LGR4: variants seen among roughly 807,000 people sequenced by gnomAD.
The protein encoded by LGR4 is leucine rich repeat containing G protein-coupled receptor 4.
Under a neutral mutation model 84.8 loss-of-function variants are expected in LGR4, and 44 were observed. The ratio of observed to expected loss-of-function variants is 0.52; its 90% confidence interval spans 0.41 to 0.67. LGR4 has a LOEUF of 0.67. Among genes scored for constraint, LGR4 ranks in the 30% least tolerant of loss-of-function variants. LGR4 has a pLI of 0.00. For missense variants in LGR4, 1,032 were observed against 1,131.4 expected (o/e 0.91, Z 1.26); for synonymous variants, 429 against 434.3 (o/e 0.99, Z 0.15).
rs566494166 is a variant in LGR4, at chr11:27,456,930, A to AT, written c.185+15187dup. ...ATGTATGTGTGCTTTTTGGGTACAC[A>AT]TTTTTTTCTGTTCTGATTTTTTTTT... On this transcript the variant is annotated intron_variant, in intron 1 of 17. Transcript: ENST00000379214. 1.0e-3 allele frequency among the ~76,000 whole-genome samples: 156 copies of AT among 152,020 alleles called. 1 individual carries two copies. The highest frequency in any genetic ancestry group is 3.5e-3 in the African/African-American group (143 of 41,436).
In LGR4 at chr11:27,369,029, G is replaced by C; in HGVS notation, c.1694C>G (p.Ala565Gly). 1 of 1,613,846 alleles carries C rather than the reference G, an allele frequency of 6.2e-7. No individual in the cohort carries two copies. The highest frequency in any genetic ancestry group is 8.5e-7 in the Non-Finnish European group (1 of 1,179,798). ...GGACGAAGGCAGTGATGTACAAGAT[G>C]CAAATGTTGTTAAAATAACAAGCAG... ...FNLLVILTTF[A>G]SCTSLPSSKL... Residue 565 changes from alanine (A) to glycine (G), a missense_variant, in exon 18 of 18, where the codon GCA becomes GGA. Physicochemically the swap from Ala to Gly is moderately conservative, Grantham distance 60. Transcript: ENST00000379214.
intron 2 of LGR4, among the ~76,000 whole-genome samples, chr11:27,394,414 A>T (rs1038974669): frequency 6.6e-6 from 1 of 151,920 alleles, no homozygotes; most frequent in Non-Finnish European, 1.5e-5. Context: ...TTATTTATTT[A>T]TTTTTTGAGA....
intron 1 of LGR4, among the ~76,000 whole-genome samples, chr11:27,429,033 C>T (rs556574287): frequency 1.3e-5 from 2 of 152,092 alleles, no homozygotes; most frequent in East Asian, 3.9e-4. Context: ...AACTTCAAGC[C>T]TAGAATTGAG....
intron 2 of LGR4, among the ~76,000 whole-genome samples, chr11:27,409,827 C>A (rs1050116701): frequency 2.0e-5 from 3 of 152,148 alleles, no homozygotes; most frequent in Admixed American, 1.3e-4. Flanking sequence ...TGTCCTTCAA[C>A]ACTCAGCAGA....
At chr11:27,397,444 C>A (rs79124176) in intron 2 of LGR4, among the ~76,000 whole-genome samples, 13,537 of 152,132 alleles carry the variant, frequency 0.089, 760 homozygotes, top group African/African-American at 0.14. Flanking sequence ...CCTTGTATGA[C>A]CCCTTACAAA....
At chr11:27,446,457 G>C (rs1206949804) in intron 1 of LGR4, among the ~76,000 whole-genome samples, 1 of 152,168 alleles carries the variant, frequency 6.6e-6, no homozygotes, top group East Asian at 1.9e-4. Flanking sequence ...CTGGCCATCA[G>C]AGAAATGCAA....
At chr11:27,392,007 C>A (rs113584972) in intron 3 of LGR4, among the ~76,000 whole-genome samples, 143 of 152,296 alleles carry the variant, frequency 9.4e-4, no homozygotes, top group African/African-American at 3.3e-3. Flanking sequence ...CCTCACCATT[C>A]GCTGGCTATA....
rs549633528 is a variant in LGR4, at chr11:27,376,449, T to C, written c.1110-79A>G. On this transcript the variant is annotated intron_variant, in intron 12 of 17. Transcript: ENST00000379214. ...AGGAGGAGGAGGAAAGAGAAAGGGA[T>C]AGAGAAAAAGAAAAAAGTTACTTTC... The C allele has an allele frequency of 5.7e-5, 38 of 661,880 alleles. No homozygotes were observed. In the South Asian group the frequency reaches 8.8e-4, roughly 15 times the overall value. The allele number at this position is 661,880 out of a possible 1,614,324, so 41.0% of individuals were successfully genotyped here.
chr11:27,392,971 G>T (rs1863315085), intron 2 of LGR4, among the ~76,000 whole-genome samples: 1 of 152,146 alleles, frequency 6.6e-6, no homozygotes, highest in Non-Finnish European at 1.5e-5. Flanking sequence ...ATAACCAAGG[G>T]CAGCATATCC....
At chr11:27,371,569 A>T (rs752192127) in intron 17 of LGR4, 46 bp downstream of exon 17, 11 of 1,304,038 alleles carry the variant, frequency 8.4e-6, no homozygotes, top group Non-Finnish European at 1.2e-5. Context: ...TATTTGCCTA[A>T]TGTTTGTTTA....
intron 1 of LGR4, among the ~76,000 whole-genome samples, chr11:27,416,290 G>A (rs183581724): frequency 2.0e-4 from 30 of 152,284 alleles, no homozygotes; most frequent in Middle Eastern, 3.4e-3. Context: ...TTTACATATG[G>A]ACTTACTACC....
At chr11:27,371,099 A>G (rs1292780828) in intron 17 of LGR4, among the ~76,000 whole-genome samples, 2 of 152,160 alleles carry the variant, frequency 1.3e-5, no homozygotes, top group Non-Finnish European at 2.9e-5. Flanking sequence ...GTAGCACACA[A>G]TTTGACTAAA....
At position 27,366,051 on chromosome 11, in the gene LGR4, T is replaced by A. The variant is rs1452116448; in HGVS notation, c.*1816A>T. The A allele has an allele frequency of 1.3e-5, 2 of 152,558 alleles. No individual in the cohort carries two copies. The highest frequency in any genetic ancestry group is 2.9e-5 in the Non-Finnish European group (2 of 67,986). 9.5% of individuals were successfully genotyped at this position (152,558 alleles called of 1,614,324 possible). ...ACAAAGATTAACACTTTTATATATC[T>A]GTTATTCTAGTTTTTAAATGAATAA... On this transcript the variant is annotated 3_prime_UTR_variant, in exon 18 of 18. Coordinates refer to ENST00000379214, the MANE Select transcript of LGR4 (RefSeq NM_018490.5).
chr11:27,367,920 T>C lies in LGR4; in HGVS notation c.2803A>G (p.Arg935Gly). ...GCATAGCGCACCAAAGGGAATCCTC[T>C]ACTCTGGTAGAAGCAGGCTCGTCCA... ...ACGRACFYQS[R>G]GFPLVRYAYN... The change falls in exon 18 of 18, where the codon AGA (arginine) becomes GGA (glycine). Residue 935 changes from arginine to glycine, a missense_variant. By Grantham distance (125) the Arg-to-Gly change is moderately radical. Transcript: ENST00000379214. 1 of 1,611,518 alleles carries C rather than the reference T, an allele frequency of 6.2e-7. No individual in the cohort carries two copies. Among genetic ancestry groups the C allele is most frequent in the South Asian group, 1.1e-5 (1 of 90,558 alleles).
intron 1 of LGR4, 71 bp downstream of exon 1, chr11:27,472,047 T>G: frequency 8.8e-7 from 1 of 1,140,294 alleles, no homozygotes; most frequent in Admixed American, 4.5e-5. Flanking sequence ...GACCCCTGGC[T>G]CCGCCCCGCG....
At chr11:27,423,529 T>C (rs762607073) in intron 1 of LGR4, among the ~76,000 whole-genome samples, 1 of 152,248 alleles carries the variant, frequency 6.6e-6, no homozygotes, top group East Asian at 1.9e-4. Flanking sequence ...CTTAAAGAAA[T>C]GACTCAAAAT....
At chr11:27,412,142 C>T (rs1041649102) in intron 2 of LGR4, among the ~76,000 whole-genome samples, 2 of 151,914 alleles carry the variant, frequency 1.3e-5, no homozygotes, top group Admixed American at 6.6e-5. Flanking sequence ...TTATGGACTT[C>T]AAAAAAGTGT....
intron 1 of LGR4, among the ~76,000 whole-genome samples, chr11:27,441,851 G>A (rs1400349983): frequency 6.6e-6 from 1 of 152,120 alleles, no homozygotes; most frequent in Non-Finnish European, 1.5e-5. Flanking sequence ...GGGAGAGGAT[G>A]GCAGAAATCA....
chr11:27,382,184 T>C lies in LGR4; in HGVS notation c.758+4A>G. 2 of 1,585,592 alleles carry C rather than the reference T, an allele frequency of 1.3e-6. No individual in the cohort carries two copies. The highest frequency in any genetic ancestry group is 1.7e-6 in the Non-Finnish European group (2 of 1,154,962). On this transcript the variant is annotated splice_donor_region_variant and intron_variant, in intron 7 of 17. Transcript: ENST00000379214. Reference sequence around the variant, plus strand: ...AGACATAAAGAGAATGAAGCAATACTCACAGCTCTTTAAGGCTAGGAAGGG... The same window carrying C: ...AGACATAAAGAGAATGAAGCAATACCCACAGCTCTTTAAGGCTAGGAAGGG...
Sources: allele counts gnomAD v4.1 joint callset (sites outside exome capture counted in the v4.1 genomes callset), GRCh38; gene constraint gnomAD v4.1.1; transcripts MANE v1.5; gene names NCBI Gene and HGNC (gene_info 2026-07-23, HGNC 2026-07-21).